Variants in RNF180 observed in about 807,000 individuals in gnomAD.
RNF180 encodes the protein E3 ubiquitin-protein ligase RNF180.
A neutral mutation model predicts 59.2 loss-of-function variants in RNF180; 38 were observed. That is an observed-to-expected ratio of 0.64 (90% CI 0.50 to 0.84). The LOEUF (loss-of-function observed/expected upper bound fraction) is 0.84, where lower values mean the gene tolerates loss of function less well. Ranked by LOEUF, RNF180 falls within the 40% of genes least tolerant of loss-of-function variation. The pLI is 0.00. For missense variants in RNF180, 705 were observed against 700.9 expected (o/e 1.01, Z -0.07); for synonymous variants, 262 against 240.3 (o/e 1.09, Z -0.84).
At chr5:64,242,422 CA>C (rs1264073031) in intron 5 of RNF180, among the ~76,000 whole-genome samples, 4 of 152,230 alleles carry the variant, frequency 2.6e-5, no homozygotes, top group African/African-American at 9.6e-5. Context: ...AAGTGCCTGA[CA>C]ACTCAAAATC....
chr5:64,335,381 C>T (rs867822693), intron 7 of RNF180, among the ~76,000 whole-genome samples: 2 of 151,908 alleles, frequency 1.3e-5, no homozygotes, highest in Non-Finnish European at 2.9e-5. Flanking sequence ...TCTTCTCTTT[C>T]CCCAAGGTCA....
chr5:64,248,519 C>T (rs927249135), intron 5 of RNF180, among the ~76,000 whole-genome samples: 1 of 152,124 alleles, frequency 6.6e-6, no homozygotes, highest in Non-Finnish European at 1.5e-5. Flanking sequence ...CTCATCATCA[C>T]GGTCATTAGA....
chr5:64,268,770 T>G (rs1312020516), intron 5 of RNF180, among the ~76,000 whole-genome samples: 3 of 152,286 alleles, frequency 2.0e-5, no homozygotes, highest in Middle Eastern at 3.4e-3. Context: ...CGTGTCATAT[T>G]TGGACTGCTA....
At chr5:64,223,817 A>C (rs1741497921) in intron 5 of RNF180, among the ~76,000 whole-genome samples, 1 of 152,214 alleles carries the variant, frequency 6.6e-6, no homozygotes, top group Admixed American at 6.5e-5. Context: ...TTGAGGATAC[A>C]ACAATGAATG....
chr5:64,314,786 G>T (rs1743955031), intron 5 of RNF180, among the ~76,000 whole-genome samples: 1 of 152,110 alleles, frequency 6.6e-6, no homozygotes, highest in African/African-American at 2.4e-5. Context: ...GCTTCTGCAT[G>T]CAGTCTATTG....
chr5:64,272,818 ATTAG>A (rs776485895), intron 5 of RNF180, among the ~76,000 whole-genome samples: 3 of 151,984 alleles, frequency 2.0e-5, no homozygotes, highest in East Asian at 1.9e-4. Context: ...GATGAATTGA[ATTAG>A]TTAAAGAAAA....
Position 64,193,063 on chromosome 5 carries a change from T to C in RNF180, c.1-7745T>C, listed in dbSNP as rs377733728. Among the ~76,000 whole-genome samples, 8 of 151,652 alleles carry C rather than the reference T, an allele frequency of 5.3e-5. No homozygotes were observed. In the South Asian group the frequency reaches 6.3e-4, roughly 12 times the overall value. On this transcript the variant is annotated intron_variant, in intron 1 of 7. Coordinates refer to ENST00000389100, the MANE Select transcript of RNF180 (RefSeq NM_001113561.2). Reference sequence around the variant, plus strand: ...AAGGGCAAATACATTATTATACTTATATGAGGTTATCTAAGATAGTCAAAC... The same window carrying C: ...AAGGGCAAATACATTATTATACTTACATGAGGTTATCTAAGATAGTCAAAC...
intron 5 of RNF180, among the ~76,000 whole-genome samples, chr5:64,262,570 T>C (rs1160634718): frequency 2.6e-5 from 4 of 151,662 alleles, no homozygotes; most frequent in African/African-American, 9.8e-5. Context: ...GGCTGTTAAA[T>C]AATGAAAAAA....
chr5:64,347,511 G>A (rs1298210772), intron 7 of RNF180, among the ~76,000 whole-genome samples: 1 of 151,940 alleles, frequency 6.6e-6, no homozygotes, highest in Non-Finnish European at 1.5e-5. Context: ...GACCTTTTTT[G>A]CCAGCTGGTG....
intron 5 of RNF180, among the ~76,000 whole-genome samples, chr5:64,258,708 T>C (rs990967277): frequency 6.6e-6 from 1 of 152,166 alleles, no homozygotes; most frequent in Non-Finnish European, 1.5e-5. Flanking sequence ...TGTTTAGAGT[T>C]TAGAAGATAA....
intron 2 of RNF180, among the ~76,000 whole-genome samples, chr5:64,210,980 G>A (rs765813890): frequency 3.5e-4 from 54 of 152,250 alleles, no homozygotes; most frequent in Non-Finnish European, 2.2e-4. Flanking sequence ...ACCATGGAGA[G>A]TGAGGAGCTG....
At chr5:64,214,572 G>T (rs1251513911) in intron 4 of RNF180, 55 bp downstream of exon 4, 12 of 1,477,984 alleles carry the variant, frequency 8.1e-6, no homozygotes, top group Non-Finnish European at 1.1e-5. Flanking sequence ...ACTGGAGTTT[G>T]GGGAGTGGAG....
chr5:64,322,503 G>T (rs1744409720), intron 5 of RNF180, among the ~76,000 whole-genome samples: 1 of 151,944 alleles, frequency 6.6e-6, no homozygotes, highest in Admixed American at 6.6e-5. Context: ...AATAGATGCT[G>T]GTGGGGCTGT....
intron 5 of RNF180, among the ~76,000 whole-genome samples, chr5:64,291,144 T>C (rs1394530617): frequency 2.0e-5 from 3 of 152,178 alleles, no homozygotes; most frequent in Non-Finnish European, 2.9e-5. Context: ...TCTTTATGTA[T>C]GTTGAATATT....
intron 7 of RNF180, among the ~76,000 whole-genome samples, chr5:64,365,564 A>C (rs1746413770): frequency 6.6e-6 from 1 of 151,600 alleles, no homozygotes; most frequent in South Asian, 2.1e-4. Flanking sequence ...TCAGTGATCT[A>C]GTACTTTCAG....
intron 5 of RNF180, among the ~76,000 whole-genome samples, chr5:64,257,961 G>GA (rs1450812940): frequency 1.3e-5 from 2 of 152,186 alleles, no homozygotes; most frequent in South Asian, 2.1e-4. Flanking sequence ...GGAAAGCTGA[G>GA]AAGGAGATAA....
chr5:64,177,526 C>CATAT (rs58046669), intron 1 of RNF180, among the ~76,000 whole-genome samples: 7,515 of 102,094 alleles, frequency 0.074, 419 homozygotes, highest in East Asian at 0.095. Flanking sequence ...TAAATTATGC[C>CATAT]ATATATATAT....
chr5:64,186,310 A>C (rs1278312237), intron 1 of RNF180, among the ~76,000 whole-genome samples: 1 of 152,166 alleles, frequency 6.6e-6, no homozygotes, highest in Admixed American at 6.6e-5. Flanking sequence ...TATTATCAAC[A>C]TTTGGTTAAA....
Position 64,213,770 on chromosome 5 carries a change from C to T in RNF180, c.444C>T (p.Asp148=), listed in dbSNP as rs772175186. The change falls in exon 4 of 8, where the codon GAC becomes GAT. Residue 148 remains aspartate (D), a synonymous_variant. Transcript: ENST00000389100. ...LSHPRVQSGC[D]KEALLTGGGS... is the part of the protein sequence containing the mutation. ...ATCCTAGAGTTCAGTCAGGTTGTGA[C>T]AAGGAAGCTCTGCTGACAGGTGGTG... 18 of 1,614,024 alleles carry T rather than the reference C, an allele frequency of 1.1e-5. No individual in the cohort carries two copies. Among genetic ancestry groups the T allele is most frequent in the Non-Finnish European group, 1.5e-5 (18 of 1,180,006 alleles).
Sources: gnomAD v4.1 joint callset for allele counts (sites outside exome capture counted in the v4.1 genomes callset) on GRCh38, gnomAD v4.1.1 for gene constraint, MANE v1.5 for transcripts, NCBI Gene and HGNC (gene_info 2026-07-23, HGNC 2026-07-21) for gene names.